FARS2: variants seen among roughly 807,000 people sequenced by gnomAD.
FARS2 encodes the protein phenylalanyl-tRNA synthetase 2, mitochondrial.
Under a neutral mutation model 46.4 loss-of-function variants are expected in FARS2, and 40 were observed. The observed-to-expected ratio is 0.86, with a 90% CI of 0.67 to 1.12. The LOEUF (loss-of-function observed/expected upper bound fraction) is 1.12, where lower values mean the gene tolerates loss of function less well. Among genes scored for constraint, FARS2 ranks in the 50% most tolerant of loss-of-function variants. The pLI is 0.00. For missense variants in FARS2, 513 were observed against 567.9 expected (o/e 0.90, Z 0.98); for synonymous variants, 234 against 214.9 (o/e 1.09, Z -0.78).
intron 1 of FARS2, among the ~76,000 whole-genome samples, chr6:5,272,842 C>A (rs151056532): frequency 1.9e-4 from 29 of 152,320 alleles, no homozygotes; most frequent in African/African-American, 5.8e-4. Context: ...CTGGTCACCA[C>A]CAGTCTATTC....
At chr6:5,768,303 A>C (rs1243391709) in intron 6 of FARS2, among the ~76,000 whole-genome samples, 1 of 152,222 alleles carries the variant, frequency 6.6e-6, no homozygotes, top group African/African-American at 2.4e-5. Flanking sequence ...TTTATCTCAT[A>C]ATCCATGTAT....
chr6:5,432,815 G>T (rs1207787967), intron 4 of FARS2, among the ~76,000 whole-genome samples: 4 of 152,090 alleles, frequency 2.6e-5, no homozygotes. Context: ...TATGATATCT[G>T]GTCATGGGCT....
In FARS2 at chr6:5,566,809, T is replaced by G. The variant is rs145575303; in HGVS notation, c.1065+21469T>G. Among the ~76,000 whole-genome samples the G allele has an allele frequency of 7.9e-3, 1,205 of 152,348 alleles. 14 individuals carry two copies. Among genetic ancestry groups the G allele is most frequent in the African/African-American group, 0.028 (1,162 of 41,580 alleles). ...CCAAGCATTTAAGATGTTCCGCTTTTGAACTTTACAAAAAGTCCCCTTACA... is the reference window on the plus strand; with the variant it reads ...CCAAGCATTTAAGATGTTCCGCTTTGGAACTTTACAAAAAGTCCCCTTACA... On this transcript the variant is annotated intron_variant, in intron 5 of 6. Transcript: ENST00000274680.
chr6:5,412,588 G>A (rs1001561631), intron 3 of FARS2, among the ~76,000 whole-genome samples: 3 of 152,174 alleles, frequency 2.0e-5, no homozygotes, highest in African/African-American at 4.8e-5. Flanking sequence ...AAGGAATCAC[G>A]TCTTCCATAC....
chr6:5,705,926 C>T (rs1758728038), intron 6 of FARS2, among the ~76,000 whole-genome samples: 1 of 152,182 alleles, frequency 6.6e-6, no homozygotes, highest in Non-Finnish European at 1.5e-5. Flanking sequence ...ATTTTCTCCT[C>T]ATTGGTGATC....
At chr6:5,383,438 ACC>A (rs1562000438) in intron 2 of FARS2, among the ~76,000 whole-genome samples, 1 of 152,246 alleles carries the variant, frequency 6.6e-6, no homozygotes, top group Non-Finnish European at 1.5e-5. Context: ...CCAGAATAAC[ACC>A]AGCTTTTGAG....
intron 5 of FARS2, chr6:5,610,065 A>C: frequency 1.1e-6 from 1 of 915,798 alleles, no homozygotes; most frequent in Non-Finnish European, 1.8e-6. Flanking sequence ...GTCTCTCATT[A>C]CCACACAGTC....
intron 2 of FARS2, among the ~76,000 whole-genome samples, chr6:5,385,382 T>C (rs1760048201): frequency 6.6e-6 from 1 of 152,100 alleles, no homozygotes; most frequent in Non-Finnish European, 1.5e-5. Context: ...CTTGCTGCAT[T>C]TGGGGGAGAT....
chr6:5,392,550 T>C (rs1202958206), intron 2 of FARS2, among the ~76,000 whole-genome samples: 2 of 151,976 alleles, frequency 1.3e-5, no homozygotes, highest in African/African-American at 4.8e-5. Context: ...CTATACACAT[T>C]GAAAGTATTA....
intron 5 of FARS2, among the ~76,000 whole-genome samples, chr6:5,567,031 C>T (rs1772361680): frequency 6.6e-6 from 1 of 152,222 alleles, no homozygotes; most frequent in South Asian, 2.1e-4. Flanking sequence ...TAGGCCGAAC[C>T]AACTTTGGGA....
intron 6 of FARS2, among the ~76,000 whole-genome samples, chr6:5,735,202 A>T (rs1760875182): frequency 6.6e-6 from 1 of 152,222 alleles, no homozygotes. Flanking sequence ...CATCTATGCA[A>T]TATGTCTATG....
intron 1 of FARS2, among the ~76,000 whole-genome samples, chr6:5,273,036 T>G (rs911964353): frequency 6.6e-6 from 1 of 152,256 alleles, no homozygotes; most frequent in African/African-American, 2.4e-5. Context: ...TATGCCACAT[T>G]TTCTTTGTCC....
intron 5 of FARS2, among the ~76,000 whole-genome samples, chr6:5,592,331 A>G (rs938915611): frequency 2.6e-5 from 4 of 151,842 alleles, no homozygotes; most frequent in Admixed American, 6.6e-5. Context: ...GGCTACAGTG[A>G]GCCGTGATCA....
At chr6:5,639,464 T>G (rs1776699669) in intron 6 of FARS2, among the ~76,000 whole-genome samples, 1 of 152,236 alleles carries the variant, frequency 6.6e-6, no homozygotes, top group South Asian at 2.1e-4. Flanking sequence ...CTGGGAATCA[T>G]GACAGATATC....
chr6:5,712,384 G>A (rs1174948969), intron 6 of FARS2, among the ~76,000 whole-genome samples: 1 of 152,176 alleles, frequency 6.6e-6, no homozygotes, highest in African/African-American at 2.4e-5. Context: ...GACCCTTCTG[G>A]TTTCCAGGCC....
At chr6:5,757,167 CTT>C (rs34636460) in intron 6 of FARS2, among the ~76,000 whole-genome samples, 9 of 148,896 alleles carry the variant, frequency 6.0e-5, no homozygotes, top group East Asian at 2.0e-4. Flanking sequence ...AGCCTGACAT[CTT>C]TTTTTTTTTC....
chr6:5,741,233 G>A (rs1168984519), intron 6 of FARS2, among the ~76,000 whole-genome samples: 1 of 152,198 alleles, frequency 6.6e-6, no homozygotes, highest in East Asian at 1.9e-4. Flanking sequence ...TTTAGCTTTT[G>A]TTCTTCCAGC....
intron 4 of FARS2, among the ~76,000 whole-genome samples, chr6:5,503,157 G>A (rs1025753240): frequency 2.0e-5 from 3 of 151,360 alleles, no homozygotes; most frequent in Non-Finnish European, 4.4e-5. Context: ...TAAGATACAT[G>A]TGTATATAAT....
At chr6:5,329,739 G>A (rs1770663693) in intron 1 of FARS2, among the ~76,000 whole-genome samples, 1 of 152,154 alleles carries the variant, frequency 6.6e-6, no homozygotes. Flanking sequence ...TATTATAAAG[G>A]ATACAACCCA....
Sources: gnomAD v4.1 joint callset for allele counts (sites outside exome capture counted in the v4.1 genomes callset) on GRCh38, gnomAD v4.1.1 for gene constraint, MANE v1.5 for transcripts, NCBI Gene and HGNC (gene_info 2026-07-23, HGNC 2026-07-21) for gene names.